Variants in CCDC78 observed in about 807,000 individuals in gnomAD.
CCDC78 encodes coiled-coil domain containing 78, also known as coiled-coil domain-containing protein 78.
In CCDC78, 78 loss-of-function variants were observed where a neutral mutation model predicts 61.9. That is an observed-to-expected ratio of 1.26 (90% confidence interval 1.05 to 1.52). CCDC78 has a LOEUF of 1.52. Among genes scored for constraint, CCDC78 ranks in the 40% most tolerant of loss-of-function variants. CCDC78 has a pLI of 0.00. For missense variants in CCDC78, 737 were observed against 615.5 expected (o/e 1.20, Z -2.09); for synonymous variants, 287 against 251.9 (o/e 1.14, Z -1.32).
At position 725,577 on chromosome 16, in the gene CCDC78, G is replaced by A. The variant is rs2040819744; in HGVS notation, c.271C>T (p.Leu91Phe). 1.2e-6 allele frequency: 2 copies of A among 1,606,902 alleles called. No individual in the cohort carries two copies. The highest frequency in any genetic ancestry group is 1.7e-6 in the Non-Finnish European group (2 of 1,177,430). ...TCCAGTACCCGGCTCTCCAGCCGAA[G>A]GATCTGTGGGACAACTGGCATGAGC... Reference protein sequence around the residue: ...AEIFQLKSEILRLESRVLELE... With the variant: ...AEIFQLKSEIFRLESRVLELE... The change falls in exon 4 of 14, where the codon CTT becomes TTT. Residue 91 changes from leucine (L) to phenylalanine (F), a missense_variant. Coordinates refer to ENST00000345165, the MANE Select transcript of CCDC78 (RefSeq NM_001378030.1).
At chr16:723,658 C>T (rs1258996375) in intron 11 of CCDC78, 199 bp downstream of exon 11, 5 of 702,312 alleles carry the variant, frequency 7.1e-6, no homozygotes, top group African/African-American at 1.7e-5. Context: ...GCAGCAGCCC[C>T]TCTTCTCTTT....
rs770751341 is a variant in CCDC78, at chr16:722,996, CT to C, written c.1226del (p.Gln409ArgfsTer32). The C allele has an allele frequency of 1.2e-6, 2 of 1,612,508 alleles. No individual in the cohort carries two copies. Among genetic ancestry groups the C allele is most frequent in the Non-Finnish European group, 1.7e-6 (2 of 1,180,008 alleles). On this transcript the variant is annotated frameshift_variant, in exon 13 of 14. Coordinates refer to ENST00000345165, the MANE Select transcript of CCDC78 (RefSeq NM_001378030.1). LOFTEE classifies it high-confidence loss of function. Reference sequence around the variant, plus strand: ...CAGCCATCGTGGCCCGGACCAGCAGCTGTGCCCGCTCCCGTTCCAGCTCTGC... The same window carrying C: ...CAGCCATCGTGGCCCGGACCAGCAGCGTGCCCGCTCCCGTTCCAGCTCTGC... ...TQAELERERA[Q>X]LLVRATMAEE...
Position 725,466 on chromosome 16 carries a change from C to G in CCDC78, c.382G>C (p.Glu128Gln). The change falls in exon 4 of 14, where the codon GAG becomes CAG. Residue 128 changes from glutamate to glutamine, a missense_variant. Coordinates refer to ENST00000345165, the MANE Select transcript of CCDC78 (RefSeq NM_001378030.1). ...GGCACCTGGGCTTTGTGTCTGAGCT[C>G]TTGGGCTGCTGCCCGGGGATGCCTG... ...DPRHPRAAAQ[E>Q]LRHKAQVPGH... is the part of the protein sequence containing the mutation. 3.1e-6 allele frequency: 5 copies of G among 1,612,794 alleles called. No homozygotes were observed. Among genetic ancestry groups the G allele is most frequent in the Non-Finnish European group, 4.2e-6 (5 of 1,179,990 alleles).
At chr16:723,564 ACC>A (rs1450730519) in intron 11 of CCDC78, 1 of 678,128 alleles carries the variant, frequency 1.5e-6, no homozygotes, top group Non-Finnish European at 2.7e-6. Context: ...CCCTGCTCCC[ACC>A]CCTCGCGTCC....
At position 722,966 on chromosome 16, in the gene CCDC78, C is replaced by G. The variant is rs752178658; in HGVS notation, c.1257G>C (p.Glu419Asp). 1.9e-6 allele frequency: 3 copies of G among 1,612,454 alleles called. No individual in the cohort carries two copies. Among genetic ancestry groups the G allele is most frequent in the Non-Finnish European group, 2.5e-6 (3 of 1,179,998 alleles). Reference protein sequence around the residue: ...QLLVRATMAEEQLSELQEYVD... With the variant: ...QLLVRATMAEDQLSELQEYVD... Reference sequence around the variant, plus strand: ...CGTACTCCTGTAGCTCAGAAAGTTGCTCTTCAGCCATCGTGGCCCGGACCA... The same window carrying G: ...CGTACTCCTGTAGCTCAGAAAGTTGGTCTTCAGCCATCGTGGCCCGGACCA... Residue 419 changes from glutamate to aspartate, a missense_variant, in exon 13 of 14, where the codon GAG becomes GAC. Glu to Asp is a conservative substitution (Grantham distance 45). Coordinates refer to ENST00000345165, the MANE Select transcript of CCDC78 (RefSeq NM_001378030.1).
chr16:722,741 G>T lies in CCDC78; in HGVS notation c.1350C>A (p.Asp450Glu). ...GAGGCACAGCCCCCACTTTCCAGGG[G>T]TCCCCTGCACCTGCCAGCTTCCTCA... ...LRLRKLAGAG[D>E]PWKVGAVPPA... The change falls in exon 14 of 14, where the codon GAC becomes GAA. Residue 450 changes from aspartate to glutamate, a missense_variant. Physicochemically the swap from Asp to Glu is conservative, Grantham distance 45. Transcript: ENST00000345165. 1 of 1,611,910 alleles carries T rather than the reference G, an allele frequency of 6.2e-7. No individual in the cohort carries two copies. Among genetic ancestry groups the T allele is most frequent in the Non-Finnish European group, 8.5e-7 (1 of 1,179,966 alleles).
chr16:724,805 ACCTGGGGTGGAAGCAGC>A lies in CCDC78; in HGVS notation c.640-16_640del. 1 of 1,612,014 alleles carries A rather than the reference ACCTGGGGTGGAAGCAGC, an allele frequency of 6.2e-7. No individual in the cohort carries two copies. Among genetic ancestry groups the A allele is most frequent in the East Asian group, 2.2e-5 (1 of 44,862 alleles). Reference sequence around the variant, plus strand: ...GAGCTGGCCTTGGCAGCTGCACAGCACCTGGGGTGGAAGCAGCCCTCCACCTGTGCCCTGAGAGTGGA... The same window carrying A: ...GAGCTGGCCTTGGCAGCTGCACAGCACCTCCACCTGTGCCCTGAGAGTGGA... On this transcript the variant is annotated splice_acceptor_variant and splice_polypyrimidine_tract_variant and coding_sequence_variant and intron_variant, in exon 8 of 14. Coordinates refer to ENST00000345165, the MANE Select transcript of CCDC78 (RefSeq NM_001378030.1). LOFTEE classifies it high-confidence loss of function.
intron 11 of CCDC78, 168 bp from the exon 12 acceptor site, chr16:723,329 G>A (rs535258792): frequency 2.1e-5 from 17 of 794,430 alleles, no homozygotes; most frequent in Middle Eastern, 2.2e-4. Context: ...CCCAGGCCTT[G>A]GAGCCATCCG....
Position 724,339 on chromosome 16 carries a change from C to T in CCDC78, c.936G>A (p.Glu312=), listed in dbSNP as rs761833676. 1 of 1,611,896 alleles carries T rather than the reference C, an allele frequency of 6.2e-7. No individual in the cohort carries two copies. Among genetic ancestry groups the T allele is most frequent in the East Asian group, 2.2e-5 (1 of 44,860 alleles). ...RLVDLSRRHE[E]LLVAYRAPGN... is the part of the protein sequence containing the mutation. ...GGGCCCACCTGTAGGCAACCAGTAG[C>T]TCTTCATGCCTGCGGCTCAGATCCA... The change falls in exon 9 of 14, where the codon GAG becomes GAA. Residue 312 remains glutamate, a synonymous_variant. Transcript: ENST00000345165.
At position 722,646 on chromosome 16, in the gene CCDC78, G is replaced by T. The variant is rs758827941; in HGVS notation, c.*32C>A. ...GGGAGGGTTCTGTGCTGGCTGAGGAGCTCTGCTCTGCTCTGCTCCTTGGGA... is the reference window on the plus strand; with the variant it reads ...GGGAGGGTTCTGTGCTGGCTGAGGATCTCTGCTCTGCTCTGCTCCTTGGGA... On this transcript the variant is annotated 3_prime_UTR_variant, in exon 14 of 14. Transcript: ENST00000345165. 1.3e-6 allele frequency: 2 copies of T among 1,591,916 alleles called. No individual in the cohort carries two copies. Among genetic ancestry groups the T allele is most frequent in the African/African-American group, 2.8e-5 (2 of 72,122 alleles).
chr16:726,586 G>A (rs969018296), upstream of CCDC78: 3 of 603,696 alleles, frequency 5.0e-6, no homozygotes, highest in African/African-American at 5.6e-5. Context: ...CCCATCTGGG[G>A]AATGCGGCCC....
chr16:726,138 C>T (rs2040907872), intron 1 of CCDC78, 53 bp from the exon 2 acceptor site: 2 of 1,549,870 alleles, frequency 1.3e-6, no homozygotes, highest in Admixed American at 3.9e-5. Flanking sequence ...TGGGCTGTGG[C>T]CCCACTCCCA....
At position 723,898 on chromosome 16, in the gene CCDC78, C is replaced by CT. The variant is rs748870674; in HGVS notation, c.1091dup (p.Arg365GlufsTer54). 3.1e-6 allele frequency: 5 copies of CT among 1,600,490 alleles called. No homozygotes were observed. Among genetic ancestry groups the CT allele is most frequent in the African/African-American group, 2.7e-5 (2 of 74,662 alleles). On this transcript the variant is annotated frameshift_variant, in exon 11 of 14. Transcript: ENST00000345165. LOFTEE classifies it high-confidence loss of function. Reference sequence around the variant, plus strand: ...CCCCCTGGGAGGCTCCACCGGGTCTCTTTTTTGGGGATGAGAGCAGTGCCC... The same window carrying CT: ...CCCCCTGGGAGGCTCCACCGGGTCTCTTTTTTTGGGGATGAGAGCAGTGCCC...
rs776814118 is a variant in CCDC78 at position 723,893 on chromosome 16, G to A, written c.1097C>T (p.Pro366Leu). 3 of 1,600,270 alleles carry A rather than the reference G, an allele frequency of 1.9e-6. No homozygotes were observed. Reference protein sequence around the residue: ...GALLSSPKKRPGGASQGGTSE... With the variant: ...GALLSSPKKRLGGASQGGTSE... Reference sequence around the variant, plus strand: ...TGTTCCCCCCTGGGAGGCTCCACCGGGTCTCTTTTTTGGGGATGAGAGCAG... The same window carrying A: ...TGTTCCCCCCTGGGAGGCTCCACCGAGTCTCTTTTTTGGGGATGAGAGCAG... Residue 366 changes from proline (P) to leucine (L), a missense_variant, in exon 11 of 14, where the codon CCC (proline) becomes CTC (leucine). Transcript: ENST00000345165.
chr16:722,936 GTCCACGTAC>G lies in CCDC78; in HGVS notation c.1278_1286del (p.Glu426_Val428del). On this transcript the variant is annotated inframe_deletion, in exon 13 of 14. Transcript: ENST00000345165. ...CCTCTGCCCACCTGCCCAGGTGCTG[GTCCACGTAC>G]TCCTGTAGCTCAGAAAGTTGCTCTT... The G allele has an allele frequency of 6.2e-7, 1 of 1,612,234 alleles. No individual in the cohort carries two copies. Among genetic ancestry groups the G allele is most frequent in the Non-Finnish European group, 8.5e-7 (1 of 1,179,988 alleles).
chr16:725,515 A>G lies in CCDC78; in HGVS notation c.333T>C (p.Cys111=). 5.6e-6 allele frequency: 9 copies of G among 1,612,570 alleles called. No individual in the cohort carries two copies. The highest frequency in any genetic ancestry group is 7.6e-6 in the Non-Finnish European group (9 of 1,179,982). Residue 111 remains cysteine (C), a synonymous_variant, in exon 4 of 14, where the codon TGT becomes TGC. Coordinates refer to ENST00000345165, the MANE Select transcript of CCDC78 (RefSeq NM_001378030.1). ...TGGGGTCAGACTCCACTGGGACTGC[A>G]CAGCCCTGGCTGGTGCCATCTCCTC... ...ELRGDGTSQG[C]AVPVESDPRH...
In CCDC78 at chr16:726,345, C is replaced by T. The variant is rs181469519; in HGVS notation, c.23G>A (p.Gly8Asp). The change falls in exon 1 of 14, where the codon GGC (glycine) becomes GAC (aspartate). Residue 8 changes from glycine to aspartate, a missense_variant. Gly to Asp is a moderately conservative substitution (Grantham distance 94, BLOSUM62 -1). Transcript: ENST00000345165. The part of the protein sequence containing the change: MEHAATT[G>D]PRPGPPSRRV... ...CCGAGAGGGAGGTCCAGGCCTGGGG[C>T]CTGTGGTGGCTGCGTGCTCCATAGG... The T allele has an allele frequency of 1.1e-4, 164 of 1,543,744 alleles. No homozygotes were observed. In the African/African-American group the frequency reaches 1.8e-3, roughly 17 times the overall value.
chr16:723,295 C>T (rs2040415294), intron 11 of CCDC78, 134 bp from the exon 12 acceptor site: 10 of 960,382 alleles, frequency 1.0e-5, no homozygotes, highest in East Asian at 8.0e-5. Flanking sequence ...GCATGGGCCC[C>T]CCCCGTGCTC....
intron 2 of CCDC78, 35 bp from the exon 3 acceptor site, chr16:725,915 G>A: frequency 1.3e-6 from 2 of 1,590,494 alleles, no homozygotes; most frequent in East Asian, 2.3e-5. Flanking sequence ...GCGTCTGTGG[G>A]CCCTGCTGGC....
Sources: gnomAD v4.1 joint callset for allele counts on GRCh38, gnomAD v4.1.1 for gene constraint, MANE v1.5 for transcripts, NCBI Gene and HGNC (gene_info 2026-07-23, HGNC 2026-07-21) for gene names.